CELF5: variants seen among roughly 807,000 people sequenced by gnomAD.
CELF5 encodes CUG-BP and ETR-3 like factor 5.
In CELF5, 6 loss-of-function variants were observed where a neutral mutation model predicts 54.9. That is an observed-to-expected ratio of 0.11 (90% CI 0.06 to 0.22). CELF5 has a LOEUF of 0.22. CELF5 is among the 10% of genes least tolerant of loss of function. The probability of loss-of-function intolerance (pLI) is 1.00; values close to 1 mark genes in which losing one functional copy is unlikely to be tolerated. For synonymous variants in CELF5, 271 were observed against 290.9 expected, an observed-to-expected ratio of 0.93 and a Z score of 0.70; for missense variants, 401 against 678.6, an observed-to-expected ratio of 0.59 and a Z score of 4.54.
intron 11 of CELF5, among the ~76,000 whole-genome samples, 189 bp downstream of exon 11, chr19:3,290,563 CTT>C (rs34393788): frequency 0.29 from 36,678 of 126,570 alleles, 5,410 homozygotes; most frequent in African/African-American, 0.46. Flanking sequence ...GTTTGGGTTT[CTT>C]TTTTTTTTTT....
In CELF5 at chr19:3,280,887, T is replaced by A. The variant is rs572404240; in HGVS notation, c.604-312T>A. ...ATAGGTGCCTCCAGCTGTGCCTCCC[T>A]GTTCTCCAGCGGCGGGATTCTCCAT... On this transcript the variant is annotated intron_variant, in intron 5 of 12. Transcript: ENST00000292672. 2.6e-5 allele frequency among the ~76,000 whole-genome samples: 4 copies of A among 152,310 alleles called. No homozygotes were observed. The East Asian group carries it at 7.7e-4, about 29-fold the overall frequency.
intron 11 of CELF5, among the ~76,000 whole-genome samples, chr19:3,291,373 G>C (rs965633990): frequency 2.0e-5 from 3 of 151,908 alleles, no homozygotes; most frequent in Non-Finnish European, 4.4e-5. Context: ...AGACATCCTG[G>C]CTAACACAGT....
chr19:3,256,631 C>T (rs1433687962), intron 2 of CELF5, among the ~76,000 whole-genome samples: 3 of 151,280 alleles, frequency 2.0e-5, no homozygotes, highest in Non-Finnish European at 2.9e-5. Context: ...TGCAGTGGCG[C>T]GATCTCGGCT....
chr19:3,283,082 C>T (rs960060334), intron 8 of CELF5, among the ~76,000 whole-genome samples: 4 of 152,150 alleles, frequency 2.6e-5, no homozygotes, highest in South Asian at 2.1e-4. Flanking sequence ...TCACCTACTG[C>T]GCCCAGCCCA....
intron 11 of CELF5, among the ~76,000 whole-genome samples, chr19:3,290,954 T>A (rs560414812): frequency 6.6e-6 from 1 of 151,850 alleles, no homozygotes; most frequent in Admixed American, 6.6e-5. Context: ...AGACCCCGTG[T>A]TTACAAAAGA....
chr19:3,281,156 C>G lies in CELF5; in HGVS notation c.604-43C>G. 4.4e-6 allele frequency: 7 copies of G among 1,586,306 alleles called. No individual in the cohort carries two copies. Among genetic ancestry groups the G allele is most frequent in the Non-Finnish European group, 6.0e-6 (7 of 1,167,984 alleles). On this transcript the variant is annotated intron_variant, in intron 5 of 12. Transcript: ENST00000292672. The surrounding 1 kb of genome is among the most constrained non-coding windows in gnomAD (Gnocchi z 6.5). The stretch of plus-strand genomic sequence containing the variant: ...TCCAGGGACCCCAGAGTCCTGGCTA[C>G]CTCCCAGCCCGTTTCCCTCCCTGCT...
rs576194760 is a variant in CELF5 at position 3,281,502 on chromosome 19, C to G, written c.750+157C>G. Among the ~76,000 whole-genome samples, 3 of 152,264 alleles carry G rather than the reference C, an allele frequency of 2.0e-5. No homozygotes were observed. Among genetic ancestry groups the G allele is most frequent in the East Asian group, 3.9e-4 (2 of 5,182 alleles). On this transcript the variant is annotated intron_variant, in intron 6 of 12. Coordinates refer to ENST00000292672, the MANE Select transcript of CELF5 (RefSeq NM_021938.4). The surrounding 1 kb of genome is among the most constrained non-coding windows in gnomAD (Gnocchi z 6.5). ...CTCCAAATTGAGACCAAGCTCAGACCGAGCCCCTAAATCCAGAAGACTGAG... is the reference window on the plus strand; with the variant it reads ...CTCCAAATTGAGACCAAGCTCAGACGGAGCCCCTAAATCCAGAAGACTGAG...
chr19:3,232,442 G>A (rs1400854989), intron 1 of CELF5, among the ~76,000 whole-genome samples: 1 of 152,004 alleles, frequency 6.6e-6, no homozygotes, highest in Admixed American at 6.6e-5. Context: ...CACTCAGGAG[G>A]CTGAGGAGGG....
At chr19:3,254,335 C>T (rs1314575123) in intron 2 of CELF5, among the ~76,000 whole-genome samples, 1 of 151,954 alleles carries the variant, frequency 6.6e-6, no homozygotes, top group Non-Finnish European at 1.5e-5. Context: ...ACCTGTCACC[C>T]ATCTACCTGC....
intron 10 of CELF5, 181 bp downstream of exon 10, chr19:3,286,206 G>C: frequency 7.7e-6 from 4 of 520,768 alleles, no homozygotes; most frequent in Non-Finnish European, 1.3e-5. Flanking sequence ...CTCCCTCTCT[G>C]TTTCCTCCTC....
intron 1 of CELF5, among the ~76,000 whole-genome samples, chr19:3,237,286 T>G (rs563314360): frequency 5.7e-5 from 7 of 122,078 alleles, no homozygotes; most frequent in African/African-American, 2.3e-4. Flanking sequence ...CACTCCAGCC[T>G]GAGTGACAGA....
intron 2 of CELF5, among the ~76,000 whole-genome samples, chr19:3,259,838 C>T (rs1454397292): frequency 6.6e-6 from 1 of 152,048 alleles, no homozygotes; most frequent in Non-Finnish European, 1.5e-5. Flanking sequence ...CCCTGCAGTG[C>T]CCAGGATGGC....
At position 3,281,180 on chromosome 19, in the gene CELF5, C is replaced by T. The variant is rs781107876; in HGVS notation, c.604-19C>T. 3 of 1,597,688 alleles carry T rather than the reference C, an allele frequency of 1.9e-6. No homozygotes were observed. The Admixed American group carries it at 5.0e-5, about 27-fold the overall frequency. Reference sequence around the variant, plus strand: ...ACCTCCCAGCCCGTTTCCCTCCCTGCTCGCCGCTGCCCCTGCAGGGAGCCT... The same window carrying T: ...ACCTCCCAGCCCGTTTCCCTCCCTGTTCGCCGCTGCCCCTGCAGGGAGCCT... On this transcript the variant is annotated intron_variant, in intron 5 of 12. Transcript: ENST00000292672. This position sits in a 1 kb window ranked among gnomAD's most constrained non-coding sequence, Gnocchi z 6.5.
At position 3,278,180 on chromosome 19, in the gene CELF5, G is replaced by A; in HGVS notation, c.603+70G>A. On this transcript the variant is annotated intron_variant, in intron 5 of 12. Transcript: ENST00000292672. The surrounding 1 kb of genome is among the most constrained non-coding windows in gnomAD (Gnocchi z 4.5). ...GGGTGAGGGGGACAGGGATGAAACA[G>A]GCCATATTCCTACCGTCGCTGTCAT... 1 of 1,064,110 alleles carries A rather than the reference G, an allele frequency of 9.4e-7. No homozygotes were observed. The highest frequency in any genetic ancestry group is 2.0e-5 in the Admixed American group (1 of 50,134). 65.9% of individuals were successfully genotyped at this position (1,064,110 alleles called of 1,614,324 possible). A position where few individuals can be genotyped will look rare whatever the true frequency, so the allele number is the denominator to read the frequency against.
At chr19:3,255,105 G>C (rs2079705173) in intron 2 of CELF5, among the ~76,000 whole-genome samples, 1 of 152,044 alleles carries the variant, frequency 6.6e-6, no homozygotes. Flanking sequence ...TCTGTGACTG[G>C]TCACCTCCTG....
In CELF5 at chr19:3,268,198, C is replaced by T. The variant is rs968985402; in HGVS notation, c.343-5674C>T. Among the ~76,000 whole-genome samples, 15 of 151,912 alleles carry T rather than the reference C, an allele frequency of 9.9e-5. No homozygotes were observed. The highest frequency in any genetic ancestry group is 3.4e-4 in the African/African-American group (14 of 41,342). The stretch of plus-strand genomic sequence containing the variant: ...ATTTTTAGTAGAGATGCGGTTTTAC[C>T]GTGTTGGCCAGGCTGGTCTCGAACT... On this transcript the variant is annotated intron_variant, in intron 2 of 12. Coordinates refer to ENST00000292672, the MANE Select transcript of CELF5 (RefSeq NM_021938.4). This position sits in a 1 kb window ranked among gnomAD's most constrained non-coding sequence, Gnocchi z 4.4.
chr19:3,268,519 T>C lies in CELF5; in HGVS notation c.343-5353T>C, dbSNP rs1369546629. ...GTAAGACACTGCCTGGCACCAGCTC[T>C]TGGGTGACTTCCCGTGCCAGGCACT... On this transcript the variant is annotated intron_variant, in intron 2 of 12. Transcript: ENST00000292672. This position sits in a 1 kb window ranked among gnomAD's most constrained non-coding sequence, Gnocchi z 4.4. Among the ~76,000 whole-genome samples the C allele has an allele frequency of 6.6e-6, 1 of 152,220 alleles. No homozygotes were observed. The highest frequency in any genetic ancestry group is 1.5e-5 in the Non-Finnish European group (1 of 68,048).
intron 1 of CELF5, among the ~76,000 whole-genome samples, chr19:3,229,464 G>A (rs1917141579): frequency 6.6e-6 from 1 of 152,228 alleles, no homozygotes; most frequent in Non-Finnish European, 1.5e-5. Flanking sequence ...GCCCAGAGGG[G>A]GGCCCTGCCC....
At chr19:3,293,734 G>A (rs953456098) in intron 12 of CELF5, 8 of 385,656 alleles carry the variant, frequency 2.1e-5, no homozygotes, top group Admixed American at 1.5e-4. Flanking sequence ...CAGTGAGGTC[G>A]GTTAGGGAAT....
Sources: allele counts gnomAD v4.1 joint callset (sites outside exome capture counted in the v4.1 genomes callset), GRCh38; gene constraint gnomAD v4.1.1; non-coding constraint Gnocchi (gnomAD v3.1); transcripts MANE v1.5; gene names NCBI Gene and HGNC (gene_info 2026-07-23, HGNC 2026-07-21).